Variants in SLFN11 observed in about 807,000 individuals in gnomAD.
The protein encoded by SLFN11 is schlafen family member 11.
Under a neutral mutation model 53.4 loss-of-function variants are expected in SLFN11, and 43 were observed. The observed-to-expected ratio is 0.80, with a 90% CI of 0.63 to 1.04. SLFN11 has a LOEUF of 1.04. Among genes scored for constraint, SLFN11 ranks in the 50% least tolerant of loss-of-function variants. The pLI, the probability that SLFN11 is intolerant of heterozygous loss-of-function variation, is 0.00. For synonymous variants in SLFN11, 389 were observed against 394.7 expected (o/e 0.99, Z 0.17); for missense variants, 990 against 1,079.1 (o/e 0.92, Z 1.16).
At chr17:35,357,458 T>G (rs956627176) in intron 5 of SLFN11, among the ~76,000 whole-genome samples, 1 of 151,826 alleles carries the variant, frequency 6.6e-6, no homozygotes, top group Admixed American at 6.6e-5. Flanking sequence ...GCTTTTTGTT[T>G]TAAATTCTTG....
At chr17:35,354,872 T>C (rs1316486598) in intron 5 of SLFN11, among the ~76,000 whole-genome samples, 1 of 152,048 alleles carries the variant, frequency 6.6e-6, no homozygotes, top group Non-Finnish European at 1.5e-5. Flanking sequence ...TCAAATGAAA[T>C]TACCCAGATT....
chr17:35,359,400 T>C (rs961450991), intron 5 of SLFN11, among the ~76,000 whole-genome samples: 3 of 152,160 alleles, frequency 2.0e-5, no homozygotes, highest in Non-Finnish European at 4.4e-5. Context: ...TCATTATCTA[T>C]TAATTTAATG....
chr17:35,354,149 A>G (rs1907167382), intron 5 of SLFN11, 90 bp from the exon 6 acceptor site: 1 of 1,116,528 alleles, frequency 9.0e-7, no homozygotes, highest in South Asian at 2.4e-5. Flanking sequence ...GATTAACTAA[A>G]TGATTACTTA....
At chr17:35,371,876 T>A (rs776052388) in intron 1 of SLFN11, among the ~76,000 whole-genome samples, 2 of 152,086 alleles carry the variant, frequency 1.3e-5, no homozygotes, top group Non-Finnish European at 2.9e-5. Flanking sequence ...TTGGTGGGAA[T>A]GTAAATTAGT....
chr17:35,354,099 A>C, intron 5 of SLFN11, 40 bp from the exon 6 acceptor site: 1 of 1,511,552 alleles, frequency 6.6e-7, no homozygotes, highest in South Asian at 1.4e-5. Context: ...GAAGAGAAAT[A>C]ACCCTATTGA....
intron 1 of SLFN11, among the ~76,000 whole-genome samples, chr17:35,368,139 G>A (rs1241672498): frequency 6.6e-6 from 1 of 151,898 alleles, no homozygotes; most frequent in African/African-American, 2.4e-5. Context: ...TTATTTTTTT[G>A]TTTTACTTCC....
Position 35,351,939 on chromosome 17 carries a change from T to C in SLFN11, c.*417A>G, listed in dbSNP as rs1283413716. 7 of 178,174 alleles carry C rather than the reference T, an allele frequency of 3.9e-5. No homozygotes were observed. Among genetic ancestry groups the C allele is most frequent in the Non-Finnish European group, 8.3e-5 (7 of 84,200 alleles). The allele number at this position is 178,174 out of a possible 1,614,324, so 11.0% of individuals were successfully genotyped here. A position where few individuals can be genotyped will look rare whatever the true frequency, so the allele number is the denominator to read the frequency against. ...CGGCCAGTAAGCTCCTAACAGACCATGCTTCTGCAGAAAACGATTCTGGAC... is the reference window on the plus strand; with the variant it reads ...CGGCCAGTAAGCTCCTAACAGACCACGCTTCTGCAGAAAACGATTCTGGAC... On this transcript the variant is annotated 3_prime_UTR_variant, in exon 7 of 7. Coordinates refer to ENST00000685675, the MANE Select transcript of SLFN11 (RefSeq NM_001376007.1).
In SLFN11 at chr17:35,351,222, G is replaced by C. The variant is rs1906631951; in HGVS notation, c.*1134C>G. 1 of 152,256 alleles carries C rather than the reference G, an allele frequency of 6.6e-6. No homozygotes were observed. The highest frequency in any genetic ancestry group is 6.5e-5 in the Admixed American group (1 of 15,284). 9.4% of individuals were successfully genotyped at this position (152,256 alleles called of 1,614,324 possible). On this transcript the variant is annotated 3_prime_UTR_variant, in exon 7 of 7. Transcript: ENST00000685675. ...CCATGCCCTCTTGTTTGCATGCACA[G>C]GGAGGGAGGGAACAAGCTCTCTGGG... is the stretch of plus-strand genomic sequence containing the variant.
At position 35,363,527 on chromosome 17, in the gene SLFN11, A is replaced by G. The variant is rs748281123; in HGVS notation, c.281T>C (p.Phe94Ser). 8 of 1,613,910 alleles carry G rather than the reference A, an allele frequency of 5.0e-6. No individual in the cohort carries two copies. In the African/African-American group the frequency reaches 5.3e-5, roughly 11 times the overall value. Reference sequence around the variant, plus strand: ...ACACCTTCCTTGTTGCTTGGTCTCAAAGAAAGCCTGCAGATCTGAAGACTG... The same window carrying G: ...ACACCTTCCTTGTTGCTTGGTCTCAGAGAAAGCCTGCAGATCTGAAGACTG... ...LIQSSDLQAF[F>S]ETKQQGRCFY... is the part of the protein sequence containing the mutation. The change falls in exon 4 of 7, where the codon TTT (phenylalanine) becomes TCT (serine). Residue 94 changes from phenylalanine to serine, a missense_variant. This residue lies in a region of SLFN11 where 521 missense variants were observed against 516.2 expected (regional missense o/e 1.01). Transcript: ENST00000685675.
At chr17:35,373,322 T>C (rs112268471) in intron 1 of SLFN11, among the ~76,000 whole-genome samples, 152 bp downstream of exon 1, 2 of 137,098 alleles carry the variant, frequency 1.5e-5, no homozygotes, top group African/African-American at 5.4e-5. Flanking sequence ...GGGAACCTGC[T>C]GAGCAAACTA....
intron 5 of SLFN11, among the ~76,000 whole-genome samples, chr17:35,359,559 A>G (rs1315505626): frequency 6.6e-6 from 1 of 152,138 alleles, no homozygotes; most frequent in Non-Finnish European, 1.5e-5. Context: ...AGCAAAGCCT[A>G]TCATGGGAAC....
chr17:35,357,739 A>G (rs1315841371), intron 5 of SLFN11, among the ~76,000 whole-genome samples: 1 of 145,654 alleles, frequency 6.9e-6, no homozygotes, highest in African/African-American at 2.5e-5. Context: ...TAAATAATAT[A>G]TATCATATAT....
At position 35,360,387 on chromosome 17, in the gene SLFN11, T is replaced by G. The variant is rs758534699; in HGVS notation, c.1070-16A>C. ...TGTAGAAGATCTTAAGAAAGAAAAT[T>G]CATGTTATTCTGACGTGTTAATCTC... On this transcript the variant is annotated splice_polypyrimidine_tract_variant and intron_variant, in intron 4 of 6. Coordinates refer to ENST00000685675, the MANE Select transcript of SLFN11 (RefSeq NM_001376007.1). 3 of 1,593,338 alleles carry G rather than the reference T, an allele frequency of 1.9e-6. No individual in the cohort carries two copies. In the Admixed American group the frequency reaches 5.5e-5, roughly 29 times the overall value.
intron 3 of SLFN11, among the ~76,000 whole-genome samples, chr17:35,364,343 T>A: frequency 6.6e-6 from 1 of 152,026 alleles, no homozygotes; most frequent in Admixed American, 6.6e-5. Flanking sequence ...ACCAAGGGCA[T>A]ATGGTATTAA....
In SLFN11 at chr17:35,353,978, A is replaced by G. The variant is rs1907134748; in HGVS notation, c.1280T>C (p.Ile427Thr). 6 of 1,614,074 alleles carry G rather than the reference A, an allele frequency of 3.7e-6. No individual in the cohort carries two copies. Among genetic ancestry groups the G allele is most frequent in the African/African-American group, 1.3e-5 (1 of 75,044 alleles). Reference sequence around the variant, plus strand: ...AAAGAAAGGTTGCATTTGCTTATTTATTAACTCCTCTAGTCCTCTGTGCTC... The same window carrying G: ...AAAGAAAGGTTGCATTTGCTTATTTGTTAACTCCTCTAGTCCTCTGTGCTC... Reference protein sequence around the residue: ...ISEHRGLEELINKQMQPFFRG... With the variant: ...ISEHRGLEELTNKQMQPFFRG... The change falls in exon 6 of 7, where the codon ATA becomes ACA. Residue 427 changes from isoleucine (I) to threonine (T), a missense_variant. Physicochemically the swap from Ile to Thr is moderately conservative, Grantham distance 89 (BLOSUM62 -1). This residue lies in a region of SLFN11 where 521 missense variants were observed against 516.2 expected (regional missense o/e 1.01). Transcript: ENST00000685675.
chr17:35,352,780 A>G lies in SLFN11; in HGVS notation c.2282T>C (p.Leu761Pro). 2 of 1,614,228 alleles carry G rather than the reference A, an allele frequency of 1.2e-6. No individual in the cohort carries two copies. Among genetic ancestry groups the G allele is most frequent in the Non-Finnish European group, 1.7e-6 (2 of 1,180,042 alleles). The change falls in exon 7 of 7, where the codon CTC becomes CCC. Residue 761 changes from leucine to proline, a missense_variant. Leu to Pro is a moderately conservative substitution (Grantham distance 98). Around this residue, in one of 3 missense-constraint regions of SLFN11, gnomAD observed 313 missense variants for 320.9 expected, o/e 0.98. Coordinates refer to ENST00000685675, the MANE Select transcript of SLFN11 (RefSeq NM_001376007.1). ...CCATTCGGCTTCAGGAAATACCTCG[A>G]GGCACCCAGTGGGGATGTTAAATGA... Reference protein sequence around the residue: ...NPSFNIPTGCLEVFPEAEWSQ... With the variant: ...NPSFNIPTGCPEVFPEAEWSQ...
At chr17:35,357,809 A>G (rs938617390) in intron 5 of SLFN11, among the ~76,000 whole-genome samples, 1 of 144,414 alleles carries the variant, frequency 6.9e-6, no homozygotes, top group Non-Finnish European at 1.5e-5. Flanking sequence ...TATAATATAA[A>G]GATTTTAAAA....
At chr17:35,354,080 A>G in intron 5 of SLFN11, 21 bp from the exon 6 acceptor site, 1 of 1,548,518 alleles carries the variant, frequency 6.5e-7, no homozygotes, top group South Asian at 1.3e-5. Context: ...AAAGAATGAT[A>G]AATTAGAGGA....
At chr17:35,362,220 T>C (rs1314143210) in intron 4 of SLFN11, among the ~76,000 whole-genome samples, 2 of 152,096 alleles carry the variant, frequency 1.3e-5, no homozygotes, top group African/African-American at 4.8e-5. Flanking sequence ...CCATGCACAG[T>C]AGCACTCCAT....
Sources: allele counts gnomAD v4.1 joint callset (sites outside exome capture counted in the v4.1 genomes callset), GRCh38; gene constraint gnomAD v4.1.1; regional missense constraint gnomAD v4.1.1; transcripts MANE v1.5; gene names NCBI Gene and HGNC (gene_info 2026-07-23, HGNC 2026-07-21).